Variants in ZNF641 observed in about 807,000 individuals in gnomAD.
ZNF641 encodes the protein zinc finger protein 641.
In ZNF641, 26 loss-of-function variants were observed where a neutral mutation model predicts 46.2. The observed-to-expected ratio is 0.56, with a 90% CI of 0.41 to 0.78. ZNF641 has a LOEUF of 0.78. Ranked by LOEUF, ZNF641 falls within the 30% of genes least tolerant of loss-of-function variation. The pLI is 0.00. For synonymous variants in ZNF641, 163 were observed against 187.9 expected, an observed-to-expected ratio of 0.87 and a Z score of 1.09; for missense variants, 469 against 517.8, an observed-to-expected ratio of 0.91 and a Z score of 0.91.
At chr12:48,335,986 G>A (rs532681689), downstream of ZNF641, among the ~76,000 whole-genome samples, 12 of 152,238 alleles carry the variant, frequency 7.9e-5, no homozygotes, top group South Asian at 1.2e-3. Context: ...GAGTTGTAAC[G>A]AATGTTCAAT....
intron 1 of ZNF641, chr12:48,350,340 C>T: frequency 1.1e-6 from 1 of 900,216 alleles, no homozygotes; most frequent in South Asian, 2.3e-5. Context: ...CTGGCCCCTG[C>T]CACGGGTAGG....
chr12:48,341,503 A>G lies in ZNF641; in HGVS notation c.*1470T>C. On this transcript the variant is annotated 3_prime_UTR_variant, in exon 6 of 6. Transcript: ENST00000547026. ...CAGAATTGGAAGGAAAACCAACCAG[A>G]AAGCTTATTACCCTGCAGCAGCTGA... 6.1e-6 allele frequency: 6 copies of G among 985,458 alleles called. No individual in the cohort carries two copies. Among genetic ancestry groups the G allele is most frequent in the Non-Finnish European group, 7.2e-6 (6 of 829,932 alleles). 61.0% of individuals were successfully genotyped at this position (985,458 alleles called of 1,614,324 possible).
At chr12:48,337,154 TGAA>T (rs1952615303), downstream of ZNF641, 2 of 152,348 alleles carry the variant, frequency 1.3e-5, no homozygotes, top group South Asian at 4.1e-4. Context: ...GAGGGAAAAG[TGAA>T]GAAGACCTAG....
At chr12:48,348,189 C>T in intron 1 of ZNF641, 74 bp from the exon 2 acceptor site, 2 of 1,486,204 alleles carry the variant, frequency 1.3e-6, no homozygotes, top group Non-Finnish European at 9.3e-7. Context: ...TTATGAAGAA[C>T]AGGCCCAGGG....
chr12:48,342,532 T>A lies in ZNF641; in HGVS notation c.*441A>T, dbSNP rs1307143392. The A allele has an allele frequency of 4.0e-5, 28 of 700,882 alleles. No individual in the cohort carries two copies. Among genetic ancestry groups the A allele is most frequent in the Non-Finnish European group, 4.8e-5 (27 of 566,154 alleles). 43.4% of individuals were successfully genotyped at this position (700,882 alleles called of 1,614,324 possible). A position where few individuals can be genotyped will look rare whatever the true frequency, so the allele number is the denominator to read the frequency against. ...TGCCTTAATAGAACCTTCAGTTGGGTCTACTGCAGAAATTTTCAGAGCCTT... is the reference window on the plus strand; with the variant it reads ...TGCCTTAATAGAACCTTCAGTTGGGACTACTGCAGAAATTTTCAGAGCCTT... On this transcript the variant is annotated 3_prime_UTR_variant, in exon 6 of 6. Coordinates refer to ENST00000547026, the MANE Select transcript of ZNF641 (RefSeq NM_001172681.2).
At position 48,343,465 on chromosome 12, in the gene ZNF641, C is replaced by T; in HGVS notation, c.783G>A (p.Trp261Ter). 1 of 1,613,962 alleles carries T rather than the reference C, an allele frequency of 6.2e-7. No homozygotes were observed. The highest frequency in any genetic ancestry group is 8.5e-7 in the Non-Finnish European group (1 of 1,179,868). ...GTTGATGCCTGGCAAGGTGGGAACCCCATACAAACTGTTTCCCACACTGGG... is the reference window on the plus strand; with the variant it reads ...GTTGATGCCTGGCAAGGTGGGAACCTCATACAAACTGTTTCCCACACTGGG... ...TCPQCGKQFV[W>*]GSHLARHQQT... The change falls in exon 6 of 6, where the codon TGG becomes TGA. Residue 261 changes from tryptophan (W) to a stop codon, truncating the protein, a stop_gained. Coordinates refer to ENST00000547026, the MANE Select transcript of ZNF641 (RefSeq NM_001172681.2). LOFTEE classifies it high-confidence loss of function.
At chr12:48,347,386 C>T in intron 2 of ZNF641, 43 bp from the exon 3 acceptor site, 6 of 1,543,076 alleles carry the variant, frequency 3.9e-6, no homozygotes, top group Non-Finnish European at 5.3e-6. Flanking sequence ...AACGATCTAC[C>T]CTTTCTCAAT....
intron 2 of ZNF641, 115 bp downstream of exon 2, chr12:48,347,792 C>G (rs561518482): frequency 1.6e-5 from 16 of 999,806 alleles, no homozygotes; most frequent in Non-Finnish European, 2.3e-5. Context: ...TGGGCTGGTC[C>G]TGGTACAGGT....
intron 3 of ZNF641, among the ~76,000 whole-genome samples, chr12:48,346,646 AT>A (rs1271709470): frequency 2.6e-5 from 4 of 152,080 alleles, no homozygotes; most frequent in Non-Finnish European, 5.9e-5. Context: ...TTCCAGATTT[AT>A]TTCTTAAAGG....
chr12:48,350,948 T>A, upstream of ZNF641: 1 of 748,192 alleles, frequency 1.3e-6, no homozygotes, highest in Non-Finnish European at 1.6e-6. Context: ...GCACAGGAAA[T>A]CCCCGCCCGC....
chr12:48,347,438 T>A, intron 2 of ZNF641, 95 bp from the exon 3 acceptor site: 1 of 1,022,498 alleles, frequency 9.8e-7, no homozygotes, highest in Non-Finnish European at 1.4e-6. Context: ...GGGTCACAAC[T>A]TCTGTATCTA....
At chr12:48,344,038 GCA>G (rs1363541938) in intron 5 of ZNF641, among the ~76,000 whole-genome samples, 2 of 152,164 alleles carry the variant, frequency 1.3e-5, no homozygotes, top group African/African-American at 4.8e-5. Flanking sequence ...CACAGAACCT[GCA>G]CATAGTTTAA....
intron 4 of ZNF641, among the ~76,000 whole-genome samples, chr12:48,344,924 A>T (rs969311610): frequency 2.0e-5 from 3 of 151,980 alleles, no homozygotes; most frequent in African/African-American, 7.3e-5. Flanking sequence ...TTCCCAATGA[A>T]CCTGTTTTCT....
At chr12:48,350,005 G>C in intron 1 of ZNF641, 2 of 1,613,540 alleles carry the variant, frequency 1.2e-6, no homozygotes, top group Non-Finnish European at 1.7e-6. Flanking sequence ...GAAATCCGTG[G>C]AAGTGCTAGC....
downstream of ZNF641, among the ~76,000 whole-genome samples, chr12:48,335,509 A>C (rs1365056131): frequency 6.6e-6 from 1 of 152,194 alleles, no homozygotes; most frequent in East Asian, 1.9e-4. Context: ...AATGTATCCA[A>C]TTTATTAAGT....
At chr12:48,344,963 C>G (rs1215296659) in intron 4 of ZNF641, among the ~76,000 whole-genome samples, 1 of 152,068 alleles carries the variant, frequency 6.6e-6, no homozygotes, top group Non-Finnish European at 1.5e-5. Context: ...GCCCAGCTGG[C>G]CTTTCTGGGC....
Position 48,339,887 on chromosome 12 carries a change from G to A in ZNF641, c.*3086C>T. ...TGAAAAGCTAACACTTTCGGTTACA[G>A]TCTCCTATGCAAGGGATTCTTTGAA... On this transcript the variant is annotated 3_prime_UTR_variant, in exon 6 of 6. Transcript: ENST00000547026. 1.0e-6 allele frequency: 1 copy of A among 966,632 alleles called. No homozygotes were observed. The highest frequency in any genetic ancestry group is 4.8e-5 in the South Asian group (1 of 20,940). 59.9% of individuals were successfully genotyped at this position (966,632 alleles called of 1,614,324 possible).
Position 48,343,486 on chromosome 12 carries a change from C to T in ZNF641, c.762G>A (p.Gln254=). 2.5e-6 allele frequency: 4 copies of T among 1,613,844 alleles called. No homozygotes were observed. Among genetic ancestry groups the T allele is most frequent in the Non-Finnish European group, 3.4e-6 (4 of 1,179,790 alleles). The change falls in exon 6 of 6, where the codon CAG becomes CAA. Residue 254 remains glutamine, a synonymous_variant. Coordinates refer to ENST00000547026, the MANE Select transcript of ZNF641 (RefSeq NM_001172681.2). ...DSLLRPHTCP[Q]CGKQFVWGSH... ...AACCCCATACAAACTGTTTCCCACA[C>T]TGGGGGCATGTGTGGGGTCTTAACA...
At chr12:48,347,775 G>T in intron 2 of ZNF641, 132 bp downstream of exon 2, 1 of 844,824 alleles carries the variant, frequency 1.2e-6, no homozygotes, top group Non-Finnish European at 1.8e-6. Flanking sequence ...CCAGGGCTGA[G>T]AAAGAATGGG....
Sources: gnomAD v4.1 joint callset for allele counts (sites outside exome capture counted in the v4.1 genomes callset) on GRCh38, gnomAD v4.1.1 for gene constraint, MANE v1.5 for transcripts, NCBI Gene and HGNC (gene_info 2026-07-23, HGNC 2026-07-21) for gene names.